Variants in ABCC1 observed in about 807,000 individuals in gnomAD.
The protein encoded by ABCC1 is ATP binding cassette subfamily C member 1 (ABCC1 blood group), also known as multidrug resistance-associated protein 1.
A neutral mutation model predicts 172.9 loss-of-function variants in ABCC1; 83 were observed. The observed-to-expected ratio is 0.48, with a 90% CI of 0.40 to 0.58. ABCC1 has a LOEUF of 0.58. Ranked by LOEUF, ABCC1 falls within the 20% of genes least tolerant of loss-of-function variation. The pLI is 0.00. For missense variants in ABCC1, 1,817 were observed against 2,002.7 expected, an observed-to-expected ratio of 0.91 and a Z score of 1.77; for synonymous variants, 937 against 825.2, an observed-to-expected ratio of 1.14 and a Z score of -2.32.
At chr16:16,096,917 TA>T (rs57860672) in intron 19 of ABCC1, among the ~76,000 whole-genome samples, 149,611 of 150,856 alleles carry the variant, frequency 0.99, 74,192 homozygotes, top group Middle Eastern at 1. Flanking sequence ...GTGTTTGCTT[TA>T]AAAAAAAAAA....
At chr16:15,953,694 G>A (rs1303197786) in intron 1 of ABCC1, among the ~76,000 whole-genome samples, 2 of 152,196 alleles carry the variant, frequency 1.3e-5, no homozygotes, top group African/African-American at 4.8e-5. Context: ...CTGCAGGTGT[G>A]TGTCACCGTC....
In ABCC1 at chr16:16,033,268, C is replaced by G. The variant is rs2048621860; in HGVS notation, c.677+98C>G. 5.8e-5 allele frequency: 70 copies of G among 1,198,154 alleles called. No individual in the cohort carries two copies. The South Asian group carries it at 8.4e-4, about 14-fold the overall frequency. The allele number at this position is 1,198,154 out of a possible 1,614,324, so 74.2% of individuals were successfully genotyped here. A position where few individuals can be genotyped will look rare whatever the true frequency, so the allele number is the denominator to read the frequency against. On this transcript the variant is annotated intron_variant, in intron 6 of 30. Coordinates refer to ENST00000399410, the MANE Select transcript of ABCC1 (RefSeq NM_004996.4). ...GCTCAGCTCCCCCTCCCCAACTTCT[C>G]CCTCCTTTGCTCTTCTGCAGAGTTG...
intron 1 of ABCC1, among the ~76,000 whole-genome samples, chr16:15,992,537 T>TTA (rs2046903618): frequency 6.7e-6 from 1 of 149,636 alleles, no homozygotes; most frequent in Non-Finnish European, 1.5e-5. Context: ...GTAGCTGGGA[T>TTA]TATAGGCACA....
At chr16:16,063,299 G>A (rs2049988645) in intron 12 of ABCC1, among the ~76,000 whole-genome samples, 1 of 152,002 alleles carries the variant, frequency 6.6e-6, no homozygotes, top group Admixed American at 6.6e-5. Flanking sequence ...GTAGAGATGG[G>A]GTTTCACCAT....
At chr16:16,011,980 T>A (rs2047801873) in intron 3 of ABCC1, among the ~76,000 whole-genome samples, 2 of 151,088 alleles carry the variant, frequency 1.3e-5, no homozygotes, top group South Asian at 4.2e-4. Context: ...GTTTGTTATT[T>A]TTGTAGAGAC....
chr16:16,035,170 G>A (rs2151839639), intron 6 of ABCC1, among the ~76,000 whole-genome samples: 1 of 152,258 alleles, frequency 6.6e-6, no homozygotes, highest in South Asian at 2.1e-4. Context: ...CAGAGGCCAA[G>A]GTGGGTGGAT....
At chr16:16,117,632 A>G (rs967892294) in intron 23 of ABCC1, among the ~76,000 whole-genome samples, 6 of 152,188 alleles carry the variant, frequency 3.9e-5, no homozygotes, top group African/African-American at 1.4e-4. Context: ...GGGCCTAGGC[A>G]CGGTGGCTCA....
chr16:16,134,366 G>A lies in ABCC1; in HGVS notation c.3983G>A (p.Arg1328Gln), dbSNP rs370672850. Residue 1328 changes from arginine (R) to glutamine (Q), a missense_variant, in exon 28 of 31, where the codon CGG becomes CAG. Around this residue, in one of 3 missense-constraint regions of ABCC1, gnomAD observed 1,412 missense variants for 1,600.3 expected, o/e 0.88. Coordinates refer to ENST00000399410, the MANE Select transcript of ABCC1 (RefSeq NM_004996.4). ...GTCCTGCAGGTCGGCATCGTGGGGC[G>A]GACGGGAGCTGGGAAGTCGTCCCTG... Reference protein sequence around the residue: ...NGGEKVGIVGRTGAGKSSLTL... With the variant: ...NGGEKVGIVGQTGAGKSSLTL... 2.5e-5 allele frequency: 40 copies of A among 1,613,992 alleles called. 1 individual carries two copies. The East Asian group carries it at 4.0e-4, about 16-fold the overall frequency.
chr16:15,982,176 C>G (rs2046636719), intron 1 of ABCC1, among the ~76,000 whole-genome samples: 1 of 152,172 alleles, frequency 6.6e-6, no homozygotes, highest in Non-Finnish European at 1.5e-5. Flanking sequence ...GTTCCAGCCT[C>G]TGCCTGATAC....
At chr16:16,104,055 G>A (rs943846997) in intron 20 of ABCC1, among the ~76,000 whole-genome samples, 3 of 152,118 alleles carry the variant, frequency 2.0e-5, no homozygotes, top group Non-Finnish European at 4.4e-5. Context: ...GGAGTCGTTC[G>A]TTCCTCCCGC....
rs1010235869 is a variant in ABCC1, at chr16:16,142,650, T to A, written c.*1369T>A. 6.6e-6 allele frequency: 1 copy of A among 152,110 alleles called. No individual in the cohort carries two copies. The highest frequency in any genetic ancestry group is 2.4e-5 in the African/African-American group (1 of 41,406). 9.4% of individuals were successfully genotyped at this position (152,110 alleles called of 1,614,324 possible). ...CCGGGGAGAAAAACAGTCTCAAAAC[T>A]TGAACTTCTTGGGAATAGAAGTGTT... is the stretch of plus-strand genomic sequence containing the variant. On this transcript the variant is annotated 3_prime_UTR_variant, in exon 31 of 31. Transcript: ENST00000399410.
Position 16,062,517 on chromosome 16 carries a change from C to T in ABCC1, c.1678-5639C>T, listed in dbSNP as rs550651043. 9.9e-5 allele frequency among the ~76,000 whole-genome samples: 15 copies of T among 152,208 alleles called. No homozygotes were observed. The South Asian group carries it at 3.1e-3, about 32-fold the overall frequency. ...GTGAAATACTGAGCCCGGCTACCGG[C>T]TTTACTTAACCTTTTCTTGAGCTTT... On this transcript the variant is annotated intron_variant, in intron 12 of 30. Transcript: ENST00000399410.
At chr16:16,120,692 G>A (rs2045110043) in intron 23 of ABCC1, among the ~76,000 whole-genome samples, 1 of 152,168 alleles carries the variant, frequency 6.6e-6, no homozygotes, top group Admixed American at 6.5e-5. Context: ...GGATGGGCAT[G>A]GTGGGTGGAG....
rs1026467791 is a variant in ABCC1 at position 16,071,517 on chromosome 16, C to T, written c.1825-125C>T. ...TACACTGGTTCTAAGAAATGTGGGA[C>T]CTTCAGAAATAAGGGAGGGTGTGTG... On this transcript the variant is annotated intron_variant, in intron 13 of 30. Coordinates refer to ENST00000399410, the MANE Select transcript of ABCC1 (RefSeq NM_004996.4). The T allele has an allele frequency of 8.9e-6, 6 of 673,448 alleles. No homozygotes were observed. The East Asian group carries it at 1.6e-4, about 18-fold the overall frequency. 41.7% of individuals were successfully genotyped at this position (673,448 alleles called of 1,614,324 possible).
At chr16:16,071,583 T>G in intron 13 of ABCC1, 59 bp from the exon 14 acceptor site, 1 of 1,459,802 alleles carries the variant, frequency 6.9e-7, no homozygotes, top group Non-Finnish European at 9.5e-7. Context: ...TTAACCTTGG[T>G]TGGTTTTGCA....
intron 17 of ABCC1, among the ~76,000 whole-genome samples, chr16:16,085,272 C>T (rs2050963807): frequency 6.6e-6 from 1 of 152,232 alleles, no homozygotes; most frequent in East Asian, 1.9e-4. Context: ...TGGTCTGAGC[C>T]TTCAAGGCCT....
At chr16:16,076,244 A>G in intron 14 of ABCC1, 82 bp from the exon 15 acceptor site, 1 of 1,392,348 alleles carries the variant, frequency 7.2e-7, no homozygotes. Context: ...GGGTTGAACC[A>G]TTCAAGCAGA....
intron 1 of ABCC1, among the ~76,000 whole-genome samples, chr16:15,994,803 G>T (rs1218784192): frequency 2.7e-5 from 4 of 149,848 alleles, no homozygotes; most frequent in Non-Finnish European, 4.4e-5. Context: ...TTGCTCTGTT[G>T]CCCAGGCTGG....
At chr16:15,960,089 T>C (rs1241863906) in intron 1 of ABCC1, among the ~76,000 whole-genome samples, 4 of 152,090 alleles carry the variant, frequency 2.6e-5, no homozygotes, top group African/African-American at 4.8e-5. Flanking sequence ...TACAAGAAAT[T>C]TGTGTGGTGT....
Sources: allele counts gnomAD v4.1 joint callset (sites outside exome capture counted in the v4.1 genomes callset), GRCh38; gene constraint gnomAD v4.1.1; regional missense constraint gnomAD v4.1.1; transcripts MANE v1.5; gene names NCBI Gene and HGNC (gene_info 2026-07-23, HGNC 2026-07-21).